MEI1: variants seen among roughly 807,000 people sequenced by gnomAD.
MEI1 encodes meiosis inhibitor protein 1.
A neutral mutation model predicts 146.2 loss-of-function variants in MEI1; 103 were observed. That is an observed-to-expected ratio of 0.70 (90% CI 0.60 to 0.83). The LOEUF is 0.83. Ranked by LOEUF, MEI1 falls within the 40% of genes least tolerant of loss-of-function variation. The pLI is 0.00. For synonymous variants in MEI1, 652 were observed against 628.2 expected (o/e 1.04, Z -0.57); for missense variants, 1,529 against 1,533.0 (o/e 1.00, Z 0.04).
intron 14 of MEI1, among the ~76,000 whole-genome samples, 183 bp from the exon 15 acceptor site, chr22:41,747,924 G>T (rs2073450622): frequency 6.6e-6 from 1 of 152,158 alleles, no homozygotes; most frequent in South Asian, 2.1e-4. Context: ...AAGAGATAAA[G>T]TATCTAGTAC....
chr22:41,713,953 T>C (rs1460091681), intron 3 of MEI1, 49 bp from the exon 4 acceptor site: 6 of 1,500,414 alleles, frequency 4.0e-6, no homozygotes, highest in South Asian at 2.4e-5. Context: ...GAAGGTGGAC[T>C]CTGGGTTGGG....
At chr22:41,757,176 G>T (rs1338702837) in intron 17 of MEI1, among the ~76,000 whole-genome samples, 1 of 152,164 alleles carries the variant, frequency 6.6e-6, no homozygotes, top group Non-Finnish European at 1.5e-5. Context: ...CTCACTGCAG[G>T]CTCCGCCTTC....
chr22:41,753,334 G>C (rs2073898237), intron 16 of MEI1, among the ~76,000 whole-genome samples: 1 of 151,796 alleles, frequency 6.6e-6, no homozygotes, highest in South Asian at 2.1e-4. Flanking sequence ...TTTTTAATTA[G>C]CCAGACCTGG....
chr22:41,718,038 T>C (rs1461672707), intron 5 of MEI1, 33 bp from the exon 6 acceptor site: 2 of 1,553,578 alleles, frequency 1.3e-6, no homozygotes, highest in Non-Finnish European at 1.8e-6. Context: ...CATTGTGAAA[T>C]TTCCCTTGGC....
Position 41,728,022 on chromosome 22 carries a change from C to T in MEI1, c.865-1643C>T, listed in dbSNP as rs186607138. 9.2e-5 allele frequency among the ~76,000 whole-genome samples: 14 copies of T among 152,262 alleles called. No homozygotes were observed. The East Asian group carries it at 1.5e-3, about 17-fold the overall frequency. On this transcript the variant is annotated intron_variant, in intron 7 of 30. Transcript: ENST00000401548. ...ATACACGGGAGATTGGTTCCAGGAC[C>T]GCCGGCATATACCCAGACCCACATA...
rs527706683 is a variant in MEI1 at position 41,754,028 on chromosome 22, G to A, written c.1933G>A (p.Gly645Arg). ...CCTTCTCTCAGCTCCAGAGAAGACA[G>A]GACCACCTTCCAAAGAAGGTAAGAT... ...LNLLSAPEKT[G>R]PPSKEELSAV... The change falls in exon 17 of 31, where the codon GGA (glycine) becomes AGA (arginine). Residue 645 changes from glycine (G) to arginine (R), a missense_variant. Transcript: ENST00000401548. 1 of 1,612,420 alleles carries A rather than the reference G, an allele frequency of 6.2e-7. No individual in the cohort carries two copies. The highest frequency in any genetic ancestry group is 2.2e-5 in the East Asian group (1 of 44,866).
chr22:41,710,899 G>A (rs993598722), intron 3 of MEI1, among the ~76,000 whole-genome samples: 1 of 152,172 alleles, frequency 6.6e-6, no homozygotes, highest in Non-Finnish European at 1.5e-5. Context: ...GCCTTGACAA[G>A]GGAAAGTCCG....
intron 24 of MEI1, among the ~76,000 whole-genome samples, chr22:41,782,319 G>C (rs1255429706): frequency 6.6e-6 from 1 of 152,192 alleles, no homozygotes; most frequent in Non-Finnish European, 1.5e-5. Context: ...GAGCAGAAAA[G>C]ACCAGACGGG....
chr22:41,703,141 C>T (rs986280329), intron 1 of MEI1, among the ~76,000 whole-genome samples, 190 bp from the exon 2 acceptor site: 1 of 152,232 alleles, frequency 6.6e-6, no homozygotes, highest in Non-Finnish European at 1.5e-5. Flanking sequence ...GTATAATCTT[C>T]TGTATGAATA....
chr22:41,729,097 G>A (rs1180154581), intron 7 of MEI1, among the ~76,000 whole-genome samples: 1 of 151,074 alleles, frequency 6.6e-6, no homozygotes, highest in Non-Finnish European at 1.5e-5. Context: ...CCAGGGAGGC[G>A]GAGGTTGCAG....
intron 26 of MEI1, among the ~76,000 whole-genome samples, chr22:41,793,441 A>C (rs1327944831): frequency 6.6e-6 from 1 of 152,164 alleles, no homozygotes; most frequent in Non-Finnish European, 1.5e-5. Flanking sequence ...AGCTGGGACT[A>C]CAGGTGTGCA....
intron 20 of MEI1, among the ~76,000 whole-genome samples, chr22:41,772,496 A>AT (rs1287682710): frequency 6.6e-6 from 1 of 151,776 alleles, no homozygotes; most frequent in African/African-American, 2.4e-5. Context: ...TAATTTTTAT[A>AT]TTTTTTGTAG....
intron 18 of MEI1, among the ~76,000 whole-genome samples, chr22:41,762,607 G>A (rs368958467): frequency 2.8e-5 from 4 of 142,052 alleles, no homozygotes; most frequent in Non-Finnish European, 6.0e-5. Context: ...GGCTGGTCTC[G>A]AACTCCTGGC....
chr22:41,749,232 C>T (rs1441004224), intron 15 of MEI1, among the ~76,000 whole-genome samples: 1 of 152,058 alleles, frequency 6.6e-6, no homozygotes, highest in African/African-American at 2.4e-5. Context: ...AGCCAGGGCT[C>T]AGCCATGTAG....
intron 7 of MEI1, 141 bp downstream of exon 7, chr22:41,724,214 C>T (rs982006483): frequency 2.4e-5 from 26 of 1,094,452 alleles, no homozygotes; most frequent in African/African-American, 1.6e-4. Flanking sequence ...TGGCTGGGGG[C>T]GGTGGCTCAT....
chr22:41,785,827 G>A (rs1403796901), intron 26 of MEI1, among the ~76,000 whole-genome samples: 1 of 151,106 alleles, frequency 6.6e-6, no homozygotes, highest in Non-Finnish European at 1.5e-5. Flanking sequence ...GCCTCTCAAA[G>A]TGCTGGGATT....
At chr22:41,715,551 A>G (rs1273414814) in intron 4 of MEI1, among the ~76,000 whole-genome samples, 3 of 151,672 alleles carry the variant, frequency 2.0e-5, no homozygotes, top group African/African-American at 7.3e-5. Flanking sequence ...GCCTCCCACC[A>G]CACCCGGCTA....
intron 15 of MEI1, among the ~76,000 whole-genome samples, chr22:41,749,536 A>G (rs1325340803): frequency 1.3e-5 from 2 of 152,158 alleles, no homozygotes; most frequent in Admixed American, 1.3e-4. Context: ...TGACCTCCCA[A>G]AGTGCTGGGG....
intron 26 of MEI1, among the ~76,000 whole-genome samples, chr22:41,790,666 CACTT>C (rs1433047280): frequency 4.6e-5 from 7 of 151,910 alleles, no homozygotes; most frequent in African/African-American, 1.5e-4. Context: ...GATCTCGGCT[CACTT>C]ACAACCTCTG....
Sources: gnomAD v4.1 joint callset for allele counts (sites outside exome capture counted in the v4.1 genomes callset) on GRCh38, gnomAD v4.1.1 for gene constraint, MANE v1.5 for transcripts, NCBI Gene and HGNC (gene_info 2026-07-23, HGNC 2026-07-21) for gene names.